The following CMKLR2 variants were observed in gnomAD, a reference collection of about 807,000 sequenced individuals.
The protein encoded by CMKLR2 is chemerin-like receptor 2.
CMKLR2 carries 18 observed loss-of-function variants against 23.0 expected under a neutral mutation model. The ratio of observed to expected loss-of-function variants is 0.78; its 90% CI spans 0.54 to 1.16. The LOEUF (loss-of-function observed/expected upper bound fraction) is 1.16, where lower values mean the gene tolerates loss of function less well. Ranked by LOEUF, CMKLR2 falls within the 50% of genes most tolerant of loss-of-function variation. The pLI is 0.00. For synonymous variants in CMKLR2, 158 were observed against 158.9 expected (o/e 0.99, Z 0.05); for missense variants, 401 against 412.7 (o/e 0.97, Z 0.25).
chr2:206,203,831 C>T (rs1689205590), intron 1 of CMKLR2: 1 of 152,188 alleles, frequency 6.6e-6, no homozygotes, highest in Non-Finnish European at 1.5e-5. Context: ...TTTGTAGGTA[C>T]TGCTTTGCAT....
intron 1 of CMKLR2, among the ~76,000 whole-genome samples, chr2:206,178,157 C>T (rs989530150): frequency 4.6e-5 from 7 of 152,102 alleles, no homozygotes; most frequent in Non-Finnish European, 8.8e-5. Context: ...CCCAACTACT[C>T]AGGAGGCCAA....
chr2:206,197,066 C>A (rs1054071871), intron 1 of CMKLR2, among the ~76,000 whole-genome samples: 2 of 152,112 alleles, frequency 1.3e-5, no homozygotes, highest in Non-Finnish European at 2.9e-5. Context: ...CGCACCACCA[C>A]GCCCAGCTAA....
rs550154543 is a variant in CMKLR2 at position 206,176,179 on chromosome 2, C to G, written c.*1G>C. On this transcript the variant is annotated 3_prime_UTR_variant, in exon 2 of 2. Transcript: ENST00000621141. ...ATACTGATTTGTGGAAAAGTAATAA[C>G]TTATTGAGCTGTTTCCAGGAGACAC... The G allele has an allele frequency of 6.9e-4, 1,109 of 1,596,872 alleles. 10 individuals are homozygous for G. The South Asian group carries it at 0.012, about 17-fold the overall frequency.
At chr2:206,186,426 T>TA (rs1162064652) in intron 1 of CMKLR2, among the ~76,000 whole-genome samples, 2 of 152,160 alleles carry the variant, frequency 1.3e-5, no homozygotes, top group African/African-American at 4.8e-5. Flanking sequence ...GGGCTTTTGT[T>TA]AAAGCAGCTG....
At chr2:206,187,586 T>C (rs899949526) in intron 1 of CMKLR2, among the ~76,000 whole-genome samples, 1 of 152,182 alleles carries the variant, frequency 6.6e-6, no homozygotes, top group Non-Finnish European at 1.5e-5. Context: ...TATTAAAAAG[T>C]GGTATTACAC....
intron 1 of CMKLR2, among the ~76,000 whole-genome samples, chr2:206,199,742 C>G (rs1018725234): frequency 1.3e-5 from 2 of 151,920 alleles, no homozygotes; most frequent in African/African-American, 4.8e-5. Context: ...ATTACAGGCA[C>G]CCACCACCAC....
At chr2:206,191,533 A>G (rs1559089190) in intron 1 of CMKLR2, among the ~76,000 whole-genome samples, 1 of 152,074 alleles carries the variant, frequency 6.6e-6, no homozygotes, top group African/African-American at 2.4e-5. Context: ...ACATTATTAT[A>G]TGTCTGCCTT....
rs910501496 is a variant in CMKLR2 at position 206,176,087 on chromosome 2, C to T, written c.*93G>A. ...GAAACAATAACTATGAAAGTGGAGTCGGCTCTCTATCTTGGAAACAATTTT... is the reference window on the plus strand; with the variant it reads ...GAAACAATAACTATGAAAGTGGAGTTGGCTCTCTATCTTGGAAACAATTTT... On this transcript the variant is annotated 3_prime_UTR_variant, in exon 2 of 2. Coordinates refer to ENST00000621141, the MANE Select transcript of CMKLR2 (RefSeq NM_001389445.1). 93 of 872,644 alleles carry T rather than the reference C, an allele frequency of 1.1e-4. No individual in the cohort carries two copies. The highest frequency in any genetic ancestry group is 5.3e-4 in the Middle Eastern group (2 of 3,792). The allele number at this position is 872,644 out of a possible 1,614,324, so 54.1% of individuals were successfully genotyped here. A position where few individuals can be genotyped will look rare whatever the true frequency, so the allele number is the denominator to read the frequency against.
chr2:206,196,357 G>A (rs905975161), intron 1 of CMKLR2, among the ~76,000 whole-genome samples: 2 of 151,498 alleles, frequency 1.3e-5, no homozygotes, highest in African/African-American at 4.9e-5. Flanking sequence ...CTAGGCGACA[G>A]TGAGACTCTG....
intron 1 of CMKLR2, among the ~76,000 whole-genome samples, chr2:206,182,630 C>CT (rs1410870849): frequency 1.8e-4 from 26 of 146,984 alleles, no homozygotes; most frequent in South Asian, 6.5e-4. Flanking sequence ...CCCACAGTTC[C>CT]TTTTTTTTTT....
At chr2:206,216,327 A>C (rs1201761064), upstream of CMKLR2, among the ~76,000 whole-genome samples, 2 of 152,090 alleles carry the variant, frequency 1.3e-5, no homozygotes, top group Non-Finnish European at 2.9e-5. Flanking sequence ...GGTGGCGTGC[A>C]CCTGTAGTCC....
chr2:206,205,312 T>A (rs1015322357), intron 1 of CMKLR2, among the ~76,000 whole-genome samples: 4 of 152,220 alleles, frequency 2.6e-5, no homozygotes, highest in Admixed American at 2.0e-4. Flanking sequence ...AACTTTTTTT[T>A]AACTTACTGC....
At chr2:206,184,209 C>T (rs1688501564) in intron 1 of CMKLR2, among the ~76,000 whole-genome samples, 2 of 152,090 alleles carry the variant, frequency 1.3e-5, no homozygotes, top group Non-Finnish European at 2.9e-5. Flanking sequence ...TATATAAACA[C>T]ACCAGTCATT....
At chr2:206,202,493 C>T (rs1224054339) in intron 1 of CMKLR2, among the ~76,000 whole-genome samples, 1 of 152,138 alleles carries the variant, frequency 6.6e-6, no homozygotes, top group African/African-American at 2.4e-5. Flanking sequence ...ACAGGTCTGG[C>T]TCAGTTGCCC....
upstream of CMKLR2, among the ~76,000 whole-genome samples, chr2:206,214,590 C>T (rs755979527): frequency 2.0e-5 from 3 of 151,808 alleles, no homozygotes; most frequent in Admixed American, 6.6e-5. Context: ...TTACCTCTGA[C>T]GGCTAGCTAT....
intron 1 of CMKLR2, among the ~76,000 whole-genome samples, chr2:206,195,518 A>G (rs1460028465): frequency 2.6e-5 from 4 of 152,198 alleles, no homozygotes; most frequent in African/African-American, 9.6e-5. Context: ...GATACTCCAG[A>G]AGGCACTGAC....
At chr2:206,202,554 G>A (rs1201974235) in intron 1 of CMKLR2, among the ~76,000 whole-genome samples, 1 of 152,078 alleles carries the variant, frequency 6.6e-6, no homozygotes, top group East Asian at 1.9e-4. Context: ...TCAACCTCCT[G>A]GGCTCAAGCA....
At chr2:206,206,917 C>CTT (rs66681603) in intron 1 of CMKLR2, among the ~76,000 whole-genome samples, 3,543 of 126,110 alleles carry the variant, frequency 0.028, 167 homozygotes, top group East Asian at 0.11. Flanking sequence ...CCCCCTGCCC[C>CTT]TTTTTTTTTT....
intron 1 of CMKLR2, among the ~76,000 whole-genome samples, chr2:206,202,512 G>A (rs1346098374): frequency 1.3e-5 from 2 of 152,280 alleles, no homozygotes; most frequent in Admixed American, 6.5e-5. Context: ...CCAGACTGGA[G>A]TGCAGTGGCG....
Sources: allele counts gnomAD v4.1 joint callset (sites outside exome capture counted in the v4.1 genomes callset), GRCh38; gene constraint gnomAD v4.1.1; transcripts MANE v1.5; gene names NCBI Gene and HGNC (gene_info 2026-07-23, HGNC 2026-07-21).